KCNQ1: variants seen among roughly 807,000 people sequenced by gnomAD.
KCNQ1 encodes potassium voltage-gated channel subfamily KQT member 1.
Under a neutral mutation model 72.4 loss-of-function variants are expected in KCNQ1, and 49 were observed. The ratio of observed to expected loss-of-function variants is 0.68; its 90% CI spans 0.54 to 0.86. KCNQ1 has a LOEUF of 0.86. KCNQ1 is among the 40% of genes least tolerant of loss of function. The pLI is 0.00. For synonymous variants in KCNQ1, 450 were observed against 412.6 expected (o/e 1.09, Z -1.10); for missense variants, 790 against 945.1 (o/e 0.84, Z 2.15).
At chr11:2,765,793 C>A (rs566466717) in intron 11 of KCNQ1, among the ~76,000 whole-genome samples, 2 of 152,210 alleles carry the variant, frequency 1.3e-5, no homozygotes, top group East Asian at 3.9e-4. Context: ...ACACCATGAC[C>A]TATCTTTTTC....
intron 11 of KCNQ1, among the ~76,000 whole-genome samples, chr11:2,741,957 C>T (rs1364281675): frequency 6.6e-6 from 1 of 152,274 alleles, no homozygotes; most frequent in East Asian, 1.9e-4. Flanking sequence ...TCCTATCCCC[C>T]TGCCCCAGGG....
At chr11:2,496,788 TTA>T (rs34272365) in intron 1 of KCNQ1, among the ~76,000 whole-genome samples, 2,317 of 152,208 alleles carry the variant, frequency 0.015, 29 homozygotes, top group Middle Eastern at 0.034. Flanking sequence ...TCATTGGTCT[TTA>T]TATTTTGGTG....
intron 11 of KCNQ1, among the ~76,000 whole-genome samples, chr11:2,763,420 A>AT (rs1846443271): frequency 1.3e-5 from 2 of 151,412 alleles, no homozygotes; most frequent in East Asian, 1.9e-4. Flanking sequence ...AAAAAATAAG[A>AT]AAGAAAGAAA....
chr11:2,788,678 A>T (rs928685965), intron 15 of KCNQ1, among the ~76,000 whole-genome samples: 10 of 152,280 alleles, frequency 6.6e-5, no homozygotes, highest in Non-Finnish European at 1.3e-4. Context: ...AGCCGTCATT[A>T]GTTTGCTATT....
rs1846460505 is a variant in KCNQ1, at chr11:2,764,477, CGA to C, written c.1515-4360_1515-4359del. ...GTTAGGATATTTGCACGTATGTTCA[CGA>C]GAGAGATTAACCTGTGATTTTTTTT... On this transcript the variant is annotated intron_variant, in intron 11 of 15. Coordinates refer to ENST00000155840, the MANE Select transcript of KCNQ1 (RefSeq NM_000218.3). This position sits in a 1 kb window ranked among gnomAD's most constrained non-coding sequence, Gnocchi z 4.8. 6.6e-6 allele frequency among the ~76,000 whole-genome samples: 1 copy of C among 152,024 alleles called. No individual in the cohort carries two copies. Among genetic ancestry groups the C allele is most frequent in the Admixed American group, 6.5e-5 (1 of 15,278 alleles).
At chr11:2,731,228 A>G (rs1845853806) in intron 11 of KCNQ1, among the ~76,000 whole-genome samples, 2 of 152,216 alleles carry the variant, frequency 1.3e-5, no homozygotes. Context: ...GGCCTGAGTC[A>G]GACCTGGTGC....
At position 2,572,865 on chromosome 11, in the gene KCNQ1, A is replaced by G. The variant is rs886039033; in HGVS notation, c.800A>G (p.Tyr267Cys). ...GCCTAGGAGCTGATAACCACCCTGT[A>G]CATCGGCTTCCTGGGCCTCATCTTC... is the stretch of plus-strand genomic sequence containing the variant. ...IHRQELITTLYIGFLGLIFSS... is the reference protein window; with the variant it reads ...IHRQELITTLCIGFLGLIFSS... Residue 267 changes from tyrosine (Y) to cysteine (C), a missense_variant, in exon 6 of 16, where the codon TAC (tyrosine) becomes TGC (cysteine). Coordinates refer to ENST00000155840, the MANE Select transcript of KCNQ1 (RefSeq NM_000218.3). 6.2e-7 allele frequency: 1 copy of G among 1,613,808 alleles called. No individual in the cohort carries two copies. The highest frequency in any genetic ancestry group is 8.5e-7 in the Non-Finnish European group (1 of 1,180,016).
Position 2,720,947 on chromosome 11 carries a change from A to G in KCNQ1, c.1515-47897A>G, listed in dbSNP as rs1459602143. ...GTTGTTCCCAGGGTTTCCTCATCCC[A>G]GGGGCTCTCAGATTTCCAGGGACTC... On this transcript the variant is annotated intron_variant, in intron 11 of 15. Coordinates refer to ENST00000155840, the MANE Select transcript of KCNQ1 (RefSeq NM_000218.3). This position sits in a 1 kb window ranked among gnomAD's most constrained non-coding sequence, Gnocchi z 5.1. Among the ~76,000 whole-genome samples the G allele has an allele frequency of 6.6e-6, 1 of 152,126 alleles. No individual in the cohort carries two copies. The highest frequency in any genetic ancestry group is 1.5e-5 in the Non-Finnish European group (1 of 68,020).
In KCNQ1 at chr11:2,690,700, G is replaced by C; in HGVS notation, c.1514+28619G>C. ...ATAGGGGCTGTCTCTCAGAATTCCTGAGGGCTTTCCATTTGATCCCAGTGG... is the reference window on the plus strand; with the variant it reads ...ATAGGGGCTGTCTCTCAGAATTCCTCAGGGCTTTCCATTTGATCCCAGTGG... On this transcript the variant is annotated intron_variant, in intron 11 of 15. Transcript: ENST00000155840. The surrounding 1 kb of genome is among the most constrained non-coding windows in gnomAD (Gnocchi z 5.1). 1 of 398,672 alleles carries C rather than the reference G, an allele frequency of 2.5e-6. No homozygotes were observed. Among genetic ancestry groups the C allele is most frequent in the Non-Finnish European group, 4.4e-6 (1 of 226,090 alleles). 24.7% of individuals were successfully genotyped at this position (398,672 alleles called of 1,614,324 possible).
At chr11:2,722,647 G>A (rs767598219) in intron 11 of KCNQ1, among the ~76,000 whole-genome samples, 10 of 152,142 alleles carry the variant, frequency 6.6e-5, no homozygotes, top group Admixed American at 1.3e-4. Flanking sequence ...AGCCAGGGTC[G>A]GCAGTGGCGG....
chr11:2,812,739 C>T (rs1407521295), intron 15 of KCNQ1, among the ~76,000 whole-genome samples: 3 of 152,210 alleles, frequency 2.0e-5, no homozygotes, highest in African/African-American at 4.8e-5. Flanking sequence ...CTTCCATGGC[C>T]GTGGGCCCCA....
At chr11:2,591,698 C>T (rs1471047684) in intron 10 of KCNQ1, among the ~76,000 whole-genome samples, 2 of 152,234 alleles carry the variant, frequency 1.3e-5, no homozygotes, top group Non-Finnish European at 2.9e-5. Context: ...GTGCTGTCTG[C>T]GGAATGTTAA....
chr11:2,769,014 G>A lies in KCNQ1; in HGVS notation c.1590+95G>A, dbSNP rs2133981285. On this transcript the variant is annotated intron_variant, in intron 12 of 15. Coordinates refer to ENST00000155840, the MANE Select transcript of KCNQ1 (RefSeq NM_000218.3). The surrounding 1 kb of genome is among the most constrained non-coding windows in gnomAD (Gnocchi z 4.6). ...TCCTGGGTTCTCTCCTGCCCATAGT[G>A]GAGGGTGTCAAGGCCTCCGCCCCCA... 1.8e-6 allele frequency: 2 copies of A among 1,097,854 alleles called. No homozygotes were observed. The highest frequency in any genetic ancestry group is 1.3e-5 in the South Asian group (1 of 78,344). 68.0% of individuals were successfully genotyped at this position (1,097,854 alleles called of 1,614,324 possible).
At chr11:2,729,924 A>G (rs1845824791) in intron 11 of KCNQ1, among the ~76,000 whole-genome samples, 1 of 152,036 alleles carries the variant, frequency 6.6e-6, no homozygotes, top group Non-Finnish European at 1.5e-5. Flanking sequence ...AGCGAGGTGA[A>G]TCTCATGGTG....
At chr11:2,511,449 A>T (rs1847202414) in intron 1 of KCNQ1, among the ~76,000 whole-genome samples, 1 of 152,118 alleles carries the variant, frequency 6.6e-6, no homozygotes, top group Admixed American at 6.5e-5. Context: ...ATGGGTGGTA[A>T]TATGGCTTAC....
chr11:2,811,090 G>A (rs780996263), intron 15 of KCNQ1, among the ~76,000 whole-genome samples: 6 of 152,192 alleles, frequency 3.9e-5, no homozygotes, highest in Admixed American at 6.5e-5. Context: ...CCGGGTGGGC[G>A]TGGACCCTAG....
chr11:2,683,250 C>T lies in KCNQ1; in HGVS notation c.1514+21169C>T, dbSNP rs1350350736. Reference sequence around the variant, plus strand: ...GATACAGAGCAGGAGTCCATGGCACCTCCAGAACCTGTCAGCCTGAGTATG... The same window carrying T: ...GATACAGAGCAGGAGTCCATGGCACTTCCAGAACCTGTCAGCCTGAGTATG... On this transcript the variant is annotated intron_variant, in intron 11 of 15. Transcript: ENST00000155840. The surrounding 1 kb of genome is among the most constrained non-coding windows in gnomAD (Gnocchi z 4.7). 2 of 398,522 alleles carry T rather than the reference C, an allele frequency of 5.0e-6. No homozygotes were observed. The highest frequency in any genetic ancestry group is 4.1e-5 in the African/African-American group (2 of 48,628). The allele number at this position is 398,522 out of a possible 1,614,324, so 24.7% of individuals were successfully genotyped here. A position where few individuals can be genotyped will look rare whatever the true frequency, so the allele number is the denominator to read the frequency against.
At chr11:2,533,108 A>C (rs1847668966) in intron 2 of KCNQ1, among the ~76,000 whole-genome samples, 1 of 152,200 alleles carries the variant, frequency 6.6e-6, no homozygotes, top group Admixed American at 6.5e-5. Context: ...CACGATGTTT[A>C]AATGTTGGGG....
rs1027518119 is a variant in KCNQ1, at chr11:2,588,629, C to T, written c.1252-84C>T. 31 of 1,556,018 alleles carry T rather than the reference C, an allele frequency of 2.0e-5. No individual in the cohort carries two copies. The Admixed American group carries it at 3.5e-4, about 18-fold the overall frequency. ...TATGTGGCGGGGGCTGGGCTCGGGG[C>T]GGCTGCACAGGCACTCTGGGGCCGG... On this transcript the variant is annotated intron_variant, in intron 9 of 15. Transcript: ENST00000155840. This position sits in a 1 kb window ranked among gnomAD's most constrained non-coding sequence, Gnocchi z 5.6.
Sources: gnomAD v4.1 joint callset for allele counts (sites outside exome capture counted in the v4.1 genomes callset) on GRCh38, gnomAD v4.1.1 for gene constraint, Gnocchi (gnomAD v3.1) non-coding constraint, MANE v1.5 for transcripts, NCBI Gene and HGNC (gene_info 2026-07-23, HGNC 2026-07-21) for gene names.